The following ZMYM4 variants were observed in gnomAD, a reference collection of about 807,000 sequenced individuals.
ZMYM4 encodes zinc finger MYM-type protein 4.
Under a neutral mutation model 183.2 loss-of-function variants are expected in ZMYM4, and 31 were observed. That is an observed-to-expected ratio of 0.17 (90% CI 0.13 to 0.23). ZMYM4 has a LOEUF of 0.23. ZMYM4 is among the 10% of genes least tolerant of loss of function. The pLI is 1.00. For synonymous variants in ZMYM4, 592 were observed against 631.2 expected (o/e 0.94, Z 0.93); for missense variants, 1,273 against 1,840.3 (o/e 0.69, Z 5.64).
At chr1:35,412,164 C>T (rs1285151714) in intron 26 of ZMYM4, among the ~76,000 whole-genome samples, 1 of 152,104 alleles carries the variant, frequency 6.6e-6, no homozygotes, top group African/African-American at 2.4e-5. Flanking sequence ...CAGGCATGAG[C>T]CACCGCACCT....
intron 9 of ZMYM4, among the ~76,000 whole-genome samples, chr1:35,384,145 A>G (rs1222472137): frequency 6.6e-6 from 1 of 152,180 alleles, no homozygotes; most frequent in Admixed American, 6.5e-5. Context: ...TGATGGAAGT[A>G]TTATGGGTAC....
rs542968472 is a variant in ZMYM4 at position 35,412,188 on chromosome 1, T to G, written c.3949-1784T>G. On this transcript the variant is annotated intron_variant, in intron 26 of 29. Transcript: ENST00000314607. Reference sequence around the variant, plus strand: ...GCCACCGCACCTGGCGGGACTTTCTTAATTTCCTGTTTGGATTGTTCATTG... The same window carrying G: ...GCCACCGCACCTGGCGGGACTTTCTGAATTTCCTGTTTGGATTGTTCATTG... 6.6e-5 allele frequency among the ~76,000 whole-genome samples: 10 copies of G among 152,238 alleles called. No homozygotes were observed. The East Asian group carries it at 1.9e-3, about 29-fold the overall frequency.
At chr1:35,414,106 G>A (rs753997364) in intron 27 of ZMYM4, 23 bp downstream of exon 27, 3 of 1,336,816 alleles carry the variant, frequency 2.2e-6, no homozygotes, top group Non-Finnish European at 3.1e-6. Context: ...TTTTTTTATT[G>A]TTTTCATGAT....
intron 5 of ZMYM4, chr1:35,365,928 T>C (rs1644066487): frequency 6.6e-6 from 1 of 152,196 alleles, no homozygotes; most frequent in Non-Finnish European, 1.5e-5. Flanking sequence ...GTACTTAAGA[T>C]GTATACTATT....
At chr1:35,405,341 A>G in intron 24 of ZMYM4, 32 bp from the exon 25 acceptor site, 1 of 1,583,004 alleles carries the variant, frequency 6.3e-7, no homozygotes, top group South Asian at 1.2e-5. Context: ...TATTTTATTT[A>G]AACTTTTCTT....
chr1:35,375,874 G>A lies in ZMYM4; in HGVS notation c.1181+5247G>A, dbSNP rs531700943. On this transcript the variant is annotated intron_variant, in intron 7 of 29. Coordinates refer to ENST00000314607, the MANE Select transcript of ZMYM4 (RefSeq NM_005095.3). ...GAGGATTGCATGAGCCCAGGATTTC[G>A]AGACCAGCCTGGGCAACACAGTGAA... Among the ~76,000 whole-genome samples the A allele has an allele frequency of 1.4e-4, 21 of 152,160 alleles. 2 individuals carry two copies. In the South Asian group the frequency reaches 2.9e-3, roughly 21 times the overall value.
In ZMYM4 at chr1:35,385,183, A is replaced by G. The variant is rs550705050; in HGVS notation, c.1570-259A>G. On this transcript the variant is annotated intron_variant, in intron 9 of 29. Transcript: ENST00000314607. Reference sequence around the variant, plus strand: ...AATGAAATAGAATAGATTGGAAAATATCAAAGTGCATTACATGTTATCATG... The same window carrying G: ...AATGAAATAGAATAGATTGGAAAATGTCAAAGTGCATTACATGTTATCATG... Among the ~76,000 whole-genome samples, 7 of 152,350 alleles carry G rather than the reference A, an allele frequency of 4.6e-5. No homozygotes were observed. In the East Asian group the frequency reaches 1.4e-3, roughly 29 times the overall value.
Position 35,286,807 on chromosome 1 carries a change from T to C in ZMYM4, c.39+17722T>C, listed in dbSNP as rs1255114198. On this transcript the variant is annotated intron_variant, in intron 1 of 29. Coordinates refer to ENST00000314607, the MANE Select transcript of ZMYM4 (RefSeq NM_005095.3). Reference sequence around the variant, plus strand: ...TTTTTTTTTTTTTTTTTTTTTTTTTTTTTGTAGAGACAGGGTCTCCATATG... The same window carrying C: ...TTTTTTTTTTTTTTTTTTTTTTTTTCTTTGTAGAGACAGGGTCTCCATATG... 1.2e-4 allele frequency among the ~76,000 whole-genome samples: 14 copies of C among 114,840 alleles called. 4 individuals carry two copies. The highest frequency in any genetic ancestry group is 4.4e-4 in the African/African-American group (11 of 25,018). 75.3% of individuals were successfully genotyped at this position (114,840 alleles called of 152,430 possible).
At chr1:35,287,891 C>A (rs631114) in intron 1 of ZMYM4, among the ~76,000 whole-genome samples, 38,072 of 152,068 alleles carry the variant, frequency 0.25, 9,934 homozygotes, top group East Asian at 0.77. Flanking sequence ...GACGTGAGCC[C>A]CCACTCCCGG....
chr1:35,338,187 T>C (rs982880755), intron 2 of ZMYM4, among the ~76,000 whole-genome samples: 2 of 152,042 alleles, frequency 1.3e-5, no homozygotes, highest in Non-Finnish European at 2.9e-5. Context: ...TGCTGTAGGG[T>C]ATATTTGAGG....
At chr1:35,367,097 G>C (rs1174809446) in intron 5 of ZMYM4, among the ~76,000 whole-genome samples, 1 of 151,736 alleles carries the variant, frequency 6.6e-6, no homozygotes, top group African/African-American at 2.4e-5. Context: ...AGGTTATGAA[G>C]TTTTGTAGAA....
At chr1:35,362,709 T>C (rs1364730776) in intron 5 of ZMYM4, among the ~76,000 whole-genome samples, 1 of 151,954 alleles carries the variant, frequency 6.6e-6, no homozygotes, top group Non-Finnish European at 1.5e-5. Flanking sequence ...TTGTTTTTTC[T>C]CTTTTTTTTT....
chr1:35,411,698 T>C (rs1639904827), intron 26 of ZMYM4, among the ~76,000 whole-genome samples: 1 of 152,242 alleles, frequency 6.6e-6, no homozygotes, highest in Admixed American at 6.5e-5. Context: ...ATATTGCCAT[T>C]TTAACATCAT....
intron 2 of ZMYM4, among the ~76,000 whole-genome samples, chr1:35,339,224 G>C (rs1570387927): frequency 1.3e-5 from 2 of 151,976 alleles, no homozygotes; most frequent in Admixed American, 6.6e-5. Context: ...TATTTACATA[G>C]CATTAACATT....
At chr1:35,374,222 T>C (rs1401279912) in intron 7 of ZMYM4, among the ~76,000 whole-genome samples, 1 of 151,420 alleles carries the variant, frequency 6.6e-6, no homozygotes, top group Non-Finnish European at 1.5e-5. Context: ...TTAGTAGAGA[T>C]GGGGTTTCTC....
intron 1 of ZMYM4, among the ~76,000 whole-genome samples, chr1:35,315,077 CTTTT>C (rs61264993): frequency 7.0e-6 from 1 of 142,400 alleles, no homozygotes. Context: ...AGGTGATGGC[CTTTT>C]TTTTTTTTTT....
In ZMYM4 at chr1:35,361,727, A is replaced by C. The variant is rs759718193; in HGVS notation, c.778A>C (p.Lys260Gln). Residue 260 changes from lysine (K) to glutamine (Q), a missense_variant, in exon 5 of 30, where the codon AAA (lysine) becomes CAA (glutamine). By Grantham distance (53) the Lys-to-Gln change is moderately conservative. Coordinates refer to ENST00000314607, the MANE Select transcript of ZMYM4 (RefSeq NM_005095.3). The stretch of plus-strand genomic sequence containing the variant: ...AGAACCTTTGGATGATGAGTATGAC[A>C]AAGCAATGGCACCACAGCAGGGACT... ...KEEPLDDEYD[K>Q]AMAPQQGLLD... The C allele has an allele frequency of 1.2e-6, 2 of 1,613,766 alleles. No individual in the cohort carries two copies. Among genetic ancestry groups the C allele is most frequent in the Non-Finnish European group, 1.7e-6 (2 of 1,179,850 alleles).
At chr1:35,380,622 G>A (rs556789626) in intron 7 of ZMYM4, among the ~76,000 whole-genome samples, 8 of 152,226 alleles carry the variant, frequency 5.3e-5, no homozygotes, top group South Asian at 2.1e-4. Flanking sequence ...CACTGCGCCC[G>A]GCCGAAAAAT....
intron 2 of ZMYM4, among the ~76,000 whole-genome samples, chr1:35,352,452 A>G (rs1203325418): frequency 4.6e-5 from 7 of 151,642 alleles, no homozygotes; most frequent in Non-Finnish European, 1.0e-4. Flanking sequence ...AAAAACCTCT[A>G]TTAAGGGCCT....
Sources: gnomAD v4.1 joint callset for allele counts (sites outside exome capture counted in the v4.1 genomes callset) on GRCh38, gnomAD v4.1.1 for gene constraint, MANE v1.5 for transcripts, NCBI Gene and HGNC (gene_info 2026-07-23, HGNC 2026-07-21) for gene names.